The following RANBP2 variants were observed in gnomAD, a reference collection of about 807,000 sequenced individuals.
The protein encoded by RANBP2 is RAN binding protein 2, also known as E3 SUMO-protein ligase RanBP2.
RANBP2 carries 57 observed loss-of-function variants against 303.6 expected under a neutral mutation model. That is an observed-to-expected ratio of 0.19 (90% CI 0.15 to 0.23). The LOEUF is 0.23. RANBP2 is among the 10% of genes least tolerant of loss of function. The pLI is 1.00. For missense variants in RANBP2, 3,138 were observed against 3,780.8 expected (o/e 0.83, Z 4.46); for synonymous variants, 1,167 against 1,301.5 (o/e 0.90, Z 2.23).
At chr2:108,974,829 G>T in the RANBP2 span, among the ~76,000 whole-genome samples, 3 of 152,178 alleles carry the variant, frequency 2.0e-5, no homozygotes, top group African/African-American at 7.2e-5. Context: ...TGGCAGAGCT[G>T]GGGTCTAGCT....
chr2:109,607,918 T>C, the RANBP2 span, among the ~76,000 whole-genome samples: 1 of 152,126 alleles, frequency 6.6e-6, no homozygotes, highest in Non-Finnish European at 1.5e-5. Context: ...TTCTATAAAG[T>C]AGATTTCATG....
chr2:109,412,492 A>G, the RANBP2 span, among the ~76,000 whole-genome samples: 725 of 152,326 alleles, frequency 4.8e-3, 2 homozygotes, highest in African/African-American at 0.015. Context: ...GTGCGTGCCT[A>G]TCATCTTAGG....
At chr2:109,659,747 C>T in the RANBP2 span, among the ~76,000 whole-genome samples, 2 of 152,208 alleles carry the variant, frequency 1.3e-5, no homozygotes, top group Non-Finnish European at 2.9e-5. Context: ...GGGCCGGGAG[C>T]CCTGAATGAG....
chr2:109,129,769 T>C, the RANBP2 span: 1 of 1,539,330 alleles, frequency 6.5e-7, no homozygotes, highest in Middle Eastern at 1.7e-4. Context: ...CCAACACACT[T>C]TCTGCCGCCG....
the RANBP2 span, among the ~76,000 whole-genome samples, chr2:109,655,068 A>G: frequency 6.6e-6 from 1 of 151,694 alleles, no homozygotes; most frequent in Non-Finnish European, 1.5e-5. Context: ...ATGCCCGGCT[A>G]ATTTTTGTAT....
chr2:109,008,935 C>T, the RANBP2 span, among the ~76,000 whole-genome samples: 1 of 150,918 alleles, frequency 6.6e-6, no homozygotes, highest in Admixed American at 6.6e-5. Flanking sequence ...AGAAAAATTC[C>T]ATGGATAGTT....
the RANBP2 span, among the ~76,000 whole-genome samples, chr2:109,055,366 CTTT>C: frequency 2.2e-5 from 3 of 133,454 alleles, no homozygotes; most frequent in Admixed American, 7.9e-5. Flanking sequence ...TTTTTCTTTT[CTTT>C]TTTTTTTTTT....
At chr2:108,788,746 G>T, downstream of RANBP2, 2 of 1,443,108 alleles carry the variant, frequency 1.4e-6, no homozygotes, top group Non-Finnish European at 1.8e-6. Context: ...AAAAAAATTT[G>T]AGAGAGAAGA....
At chr2:109,680,913 C>A in the RANBP2 span, among the ~76,000 whole-genome samples, 1 of 152,302 alleles carries the variant, frequency 6.6e-6, no homozygotes, top group African/African-American at 2.4e-5. Flanking sequence ...AACTTGTTGA[C>A]ATTATCTATG....
At chr2:109,580,933 A>G in the RANBP2 span, among the ~76,000 whole-genome samples, 1 of 152,186 alleles carries the variant, frequency 6.6e-6, no homozygotes, top group Admixed American at 6.5e-5. Context: ...GGCAAAAGCA[A>G]CATCTGTAGG....
At chr2:109,640,571 G>A in the RANBP2 span, among the ~76,000 whole-genome samples, 4 of 152,046 alleles carry the variant, frequency 2.6e-5, no homozygotes, top group African/African-American at 4.8e-5. Context: ...CCCTTTTCTG[G>A]ACAGACTTAA....
intron 25 of RANBP2, among the ~76,000 whole-genome samples, chr2:108,780,103 T>G (rs776417803): frequency 5.9e-5 from 9 of 152,172 alleles, no homozygotes; most frequent in Non-Finnish European, 1.2e-4. Flanking sequence ...AGTGACAGTC[T>G]TATCTTTGTA....
chr2:108,744,272 C>T (rs922209674), intron 7 of RANBP2, among the ~76,000 whole-genome samples: 21 of 152,176 alleles, frequency 1.4e-4, no homozygotes, highest in African/African-American at 4.6e-4. Context: ...CGCATGGTGG[C>T]GGGTGCCTGT....
the RANBP2 span, among the ~76,000 whole-genome samples, chr2:109,040,410 T>C: frequency 8.9e-3 from 1,359 of 152,340 alleles, 21 homozygotes; most frequent in African/African-American, 0.032. Context: ...TGTTCATTTT[T>C]CTTTTTTTGA....
chr2:108,731,283 A>G (rs945033317), intron 3 of RANBP2, 39 bp from the exon 4 acceptor site: 2 of 1,602,394 alleles, frequency 1.2e-6, no homozygotes, highest in Non-Finnish European at 8.5e-7. Flanking sequence ...ACATACATAC[A>G]ATTTATTTAC....
At chr2:109,639,824 C>T in the RANBP2 span, among the ~76,000 whole-genome samples, 10 of 151,098 alleles carry the variant, frequency 6.6e-5, no homozygotes, top group African/African-American at 2.4e-4. Context: ...AAGTCTCCTG[C>T]CTCAGCATCC....
chr2:109,399,734 G>A, the RANBP2 span, among the ~76,000 whole-genome samples: 2 of 152,276 alleles, frequency 1.3e-5, no homozygotes, highest in Non-Finnish European at 2.9e-5. Flanking sequence ...CACAGGGCAG[G>A]AGTTGGGCAA....
chr2:108,815,579 C>T, the RANBP2 span, among the ~76,000 whole-genome samples: 3 of 150,600 alleles, frequency 2.0e-5, no homozygotes, highest in African/African-American at 4.9e-5. Flanking sequence ...GATTCTCCTC[C>T]CTCAGCCTTC....
chr2:109,011,660 A>G, the RANBP2 span, among the ~76,000 whole-genome samples: 1 of 151,980 alleles, frequency 6.6e-6, no homozygotes, highest in Non-Finnish European at 1.5e-5. Flanking sequence ...CTGGAGCTGG[A>G]TCTTCTCATT....
Sources: gnomAD v4.1 joint callset for allele counts (sites outside exome capture counted in the v4.1 genomes callset) on GRCh38, gnomAD v4.1.1 for gene constraint, MANE v1.5 for transcripts, NCBI Gene and HGNC (gene_info 2026-07-23, HGNC 2026-07-21) for gene names.